DNAH6: variants seen among roughly 807,000 people sequenced by gnomAD.
DNAH6 encodes the protein dynein axonemal heavy chain 6, also known as axonemal beta dynein heavy chain 6.
In DNAH6, 340 loss-of-function variants were observed where a neutral mutation model predicts 491.4. That is an observed-to-expected ratio of 0.69 (90% CI 0.63 to 0.76). DNAH6 has a LOEUF of 0.76. Among genes scored for constraint, DNAH6 ranks in the 30% least tolerant of loss-of-function variants. The probability of loss-of-function intolerance (pLI) is 0.00; values close to 1 mark genes in which losing one functional copy is unlikely to be tolerated. For missense variants in DNAH6, 4,443 were observed against 4,972.2 expected (o/e 0.89, Z 3.20); for synonymous variants, 1,603 against 1,686.1 (o/e 0.95, Z 1.21).
chr2:84,657,971 T>C (rs552083590), intron 35 of DNAH6, among the ~76,000 whole-genome samples: 1 of 151,980 alleles, frequency 6.6e-6, no homozygotes, highest in Non-Finnish European at 1.5e-5. Context: ...TTGTTAATAA[T>C]TGTGAAAGAA....
intron 62 of DNAH6, among the ~76,000 whole-genome samples, chr2:84,736,355 G>T (rs559791135): frequency 3.3e-5 from 5 of 152,002 alleles, no homozygotes; most frequent in Non-Finnish European, 4.4e-5. Context: ...ATGAATTTTA[G>T]AATAGTTTTT....
the DNAH6 span, among the ~76,000 whole-genome samples, chr2:84,508,164 C>CTAG: frequency 6.6e-6 from 1 of 152,174 alleles, no homozygotes; most frequent in Non-Finnish European, 1.5e-5. Flanking sequence ...CCTTGTACCT[C>CTAG]TAGTAGAATT....
chr2:84,647,143 G>A (rs1001436766), intron 33 of DNAH6, among the ~76,000 whole-genome samples: 8 of 152,122 alleles, frequency 5.3e-5, no homozygotes, highest in Non-Finnish European at 1.0e-4. Context: ...CACCGTACCC[G>A]GCCAAAAGTA....
Position 84,704,144 on chromosome 2 carries a change from T to A in DNAH6, c.8307T>A (p.Ala2769=). ...AAACCCAAGCAATAGCTGATGATGCTCAAAGAGATCTTGACGAGGCACTAC... is the reference window on the plus strand; with the variant it reads ...AAACCCAAGCAATAGCTGATGATGCACAAAGAGATCTTGACGAGGCACTAC... The part of the protein sequence containing the change: ...AEETQAIADD[A]QRDLDEALPA... The change falls in exon 51 of 77, where the codon GCT becomes GCA. Residue 2769 remains alanine, a synonymous_variant. Transcript: ENST00000389394. 1 of 1,551,852 alleles carries A rather than the reference T, an allele frequency of 6.4e-7. No homozygotes were observed. Among genetic ancestry groups the A allele is most frequent in the Non-Finnish European group, 8.7e-7 (1 of 1,147,032 alleles).
In DNAH6 at chr2:84,722,783, C is replaced by T. The variant is rs1698282618; in HGVS notation, c.9951C>T (p.Tyr3317=). ...SLSEIDPMYQ[Y]SLKYFKQLFN... is the part of the protein sequence containing the mutation. ...CAGAAATAGATCCTATGTACCAGTA[C>T]TCATTAAAATACTTTAAACAGGTAA... is the stretch of plus-strand genomic sequence containing the variant. Residue 3317 remains tyrosine, a synonymous_variant, in exon 60 of 77, where the codon TAC becomes TAT. Transcript: ENST00000389394. 1.3e-6 allele frequency: 2 copies of T among 1,506,470 alleles called. No homozygotes were observed. The highest frequency in any genetic ancestry group is 1.8e-6 in the Non-Finnish European group (2 of 1,130,288). 93.3% of individuals were successfully genotyped at this position (1,506,470 alleles called of 1,614,324 possible). A position where few individuals can be genotyped will look rare whatever the true frequency, so the allele number is the denominator to read the frequency against.
chr2:84,772,674 G>C (rs1348104591), intron 64 of DNAH6, among the ~76,000 whole-genome samples: 3 of 152,096 alleles, frequency 2.0e-5, no homozygotes, highest in African/African-American at 7.2e-5. Context: ...ATTGAAGGCA[G>C]AGATAGTTCA....
intron 63 of DNAH6, among the ~76,000 whole-genome samples, chr2:84,747,345 T>G (rs1673061032): frequency 6.6e-6 from 1 of 152,164 alleles, no homozygotes; most frequent in African/African-American, 2.4e-5. Flanking sequence ...GGGTAAACAT[T>G]CCTATTCCAA....
intron 16 of DNAH6, among the ~76,000 whole-genome samples, chr2:84,589,935 A>T (rs1359441291): frequency 6.6e-6 from 1 of 152,102 alleles, no homozygotes; most frequent in Non-Finnish European, 1.5e-5. Flanking sequence ...TCGGAGGAAC[A>T]TGCTTGAACC....
intron 18 of DNAH6, among the ~76,000 whole-genome samples, chr2:84,600,661 C>G (rs1410796799): frequency 6.6e-6 from 1 of 152,024 alleles, no homozygotes; most frequent in Non-Finnish European, 1.5e-5. Flanking sequence ...ACAAAGAAGA[C>G]AAGACAGGTA....
the DNAH6 span, among the ~76,000 whole-genome samples, chr2:84,484,839 A>C: frequency 6.6e-6 from 1 of 152,182 alleles, no homozygotes; most frequent in Non-Finnish European, 1.5e-5. Flanking sequence ...TTGGGGAGCC[A>C]TTGTTCTACC....
At chr2:84,482,088 T>C in the DNAH6 span, among the ~76,000 whole-genome samples, 32 of 152,158 alleles carry the variant, frequency 2.1e-4, no homozygotes, top group African/African-American at 7.0e-4. Context: ...AGCAACTTTT[T>C]TTGCCAAAGA....
chr2:84,689,491 C>T (rs188494960), intron 45 of DNAH6, among the ~76,000 whole-genome samples: 5 of 152,332 alleles, frequency 3.3e-5, no homozygotes, highest in Non-Finnish European at 7.3e-5. Context: ...CCACTTGTCT[C>T]TCGGCATGGC....
At chr2:84,747,498 C>T (rs1673072641) in intron 63 of DNAH6, among the ~76,000 whole-genome samples, 1 of 152,220 alleles carries the variant, frequency 6.6e-6, no homozygotes, top group Admixed American at 6.5e-5. Flanking sequence ...AAAGTGTGGG[C>T]TCCCAAGGCC....
At chr2:84,557,585 G>T (rs979741842) in intron 10 of DNAH6, 150 bp from the exon 11 acceptor site, 1 of 237,548 alleles carries the variant, frequency 4.2e-6, no homozygotes, top group African/African-American at 2.6e-5. Context: ...GGGAAGCGGA[G>T]CTTGCAGTGA....
At chr2:84,799,046 G>A (rs568387868) in intron 70 of DNAH6, among the ~76,000 whole-genome samples, 1 of 148,446 alleles carries the variant, frequency 6.7e-6, no homozygotes, top group East Asian at 2.0e-4. Context: ...AGAGTGCAGT[G>A]GCACAATCTC....
intron 76 of DNAH6, among the ~76,000 whole-genome samples, chr2:84,817,895 C>T (rs968415070): frequency 6.6e-6 from 1 of 152,178 alleles, no homozygotes; most frequent in Admixed American, 6.5e-5. Context: ...GCTCACCCCC[C>T]ATTCCAAGGA....
rs183434223 is a variant in DNAH6 at position 84,605,162 on chromosome 2, A to C, written c.3082-338A>C. On this transcript the variant is annotated intron_variant, in intron 19 of 76. Transcript: ENST00000389394. ...GGAGATCAAGACTATCCTGGCTAGCATGGTGAAACCCTATCTCTATTAAAA... is the reference window on the plus strand; with the variant it reads ...GGAGATCAAGACTATCCTGGCTAGCCTGGTGAAACCCTATCTCTATTAAAA... 2.8e-3 allele frequency among the ~76,000 whole-genome samples: 420 copies of C among 151,338 alleles called. 2 individuals are homozygous for C. Among genetic ancestry groups the C allele is most frequent in the Non-Finnish European group, 5.0e-3 (337 of 67,858 alleles).
intron 21 of DNAH6, 34 bp from the exon 22 acceptor site, chr2:84,611,640 T>C: frequency 1.3e-6 from 2 of 1,514,712 alleles, no homozygotes; most frequent in Admixed American, 2.0e-5. Flanking sequence ...AATTGGGGAA[T>C]TAAAATTTGA....
Position 84,813,138 on chromosome 2 carries a change from C to T in DNAH6, c.11998+8C>T, listed in dbSNP as rs148094649. ...CTCAAGGATTTCTAACAGGTACCAG[C>T]GCTTTCTAGAAAAACCCCATAGGAA... On this transcript the variant is annotated splice_region_variant and intron_variant, in intron 74 of 76. Coordinates refer to ENST00000389394, the MANE Select transcript of DNAH6 (RefSeq NM_001370.2). 5.6e-4 allele frequency: 868 copies of T among 1,548,626 alleles called. 3 individuals are homozygous for T. The African/African-American group carries it at 9.4e-3, about 17-fold the overall frequency.
Sources: allele counts gnomAD v4.1 joint callset (sites outside exome capture counted in the v4.1 genomes callset), GRCh38; gene constraint gnomAD v4.1.1; transcripts MANE v1.5; gene names NCBI Gene and HGNC (gene_info 2026-07-23, HGNC 2026-07-21).